Variants in GALNT13 observed in about 807,000 individuals in gnomAD.
GALNT13 encodes polypeptide N-acetylgalactosaminyltransferase 13.
A neutral mutation model predicts 64.2 loss-of-function variants in GALNT13; 28 were observed. The observed-to-expected ratio is 0.44, with a 90% CI of 0.32 to 0.60. GALNT13 has a LOEUF of 0.60. GALNT13 is among the 20% of genes least tolerant of loss of function. GALNT13 has a pLI of 0.05. For synonymous variants in GALNT13, 214 were observed against 224.6 expected (o/e 0.95, Z 0.42); for missense variants, 577 against 669.8 (o/e 0.86, Z 1.53).
At chr2:154,242,006 T>A in intron 4 of GALNT13, 24 bp from the exon 5 acceptor site, 1 of 1,493,434 alleles carries the variant, frequency 6.7e-7, no homozygotes, top group Non-Finnish European at 9.1e-7. Flanking sequence ...TTTATTAAGA[T>A]CCCTCTTCTT....
intron 2 of GALNT13, among the ~76,000 whole-genome samples, chr2:153,918,817 C>T (rs763483049): frequency 5.3e-5 from 8 of 152,076 alleles, no homozygotes; most frequent in Non-Finnish European, 1.0e-4. Flanking sequence ...CATAAATCTT[C>T]ACCTTATTTC....
the GALNT13 span, among the ~76,000 whole-genome samples, chr2:153,376,381 AG>A: frequency 6.6e-6 from 1 of 152,182 alleles, no homozygotes; most frequent in South Asian, 2.1e-4. Flanking sequence ...GAGTTCACTT[AG>A]GGCCTTTCAA....
At chr2:153,087,935 T>A in the GALNT13 span, among the ~76,000 whole-genome samples, 6 of 152,192 alleles carry the variant, frequency 3.9e-5, no homozygotes, top group Non-Finnish European at 7.4e-5. Context: ...GTTTCATTTA[T>A]GTTTTGTATT....
chr2:153,694,916 T>C, the GALNT13 span, among the ~76,000 whole-genome samples: 51 of 152,122 alleles, frequency 3.4e-4, no homozygotes, highest in Non-Finnish European at 6.8e-4. Context: ...CCAGATTCAA[T>C]GAATTGCTAG....
At chr2:153,890,467 C>A (rs1256995636) in intron 1 of GALNT13, among the ~76,000 whole-genome samples, 1 of 151,962 alleles carries the variant, frequency 6.6e-6, no homozygotes, top group Non-Finnish European at 1.5e-5. Flanking sequence ...ATCTCATACA[C>A]AATGTACTTG....
intron 3 of GALNT13, among the ~76,000 whole-genome samples, chr2:154,030,405 C>T (rs957010592): frequency 2.6e-5 from 4 of 151,964 alleles, no homozygotes; most frequent in African/African-American, 7.2e-5. Context: ...CTCTCAACTC[C>T]GAATTTTATA....
At chr2:153,552,575 C>CTTTTTTTT in the GALNT13 span, among the ~76,000 whole-genome samples, 27 of 69,306 alleles carry the variant, frequency 3.9e-4, no homozygotes, top group African/African-American at 9.8e-4. Context: ...GCTTCTTCTT[C>CTTTTTTTT]TTTTTTTTTT....
At chr2:153,494,723 A>G in the GALNT13 span, among the ~76,000 whole-genome samples, 1 of 152,064 alleles carries the variant, frequency 6.6e-6, no homozygotes, top group Admixed American at 6.5e-5. Context: ...AAAGGAAAGT[A>G]TAAGTAATCC....
At chr2:153,475,223 T>C in the GALNT13 span, among the ~76,000 whole-genome samples, 2 of 152,164 alleles carry the variant, frequency 1.3e-5, no homozygotes, top group African/African-American at 4.8e-5. Context: ...AAGTAACAAA[T>C]GGATCTAAGG....
intron 9 of GALNT13, among the ~76,000 whole-genome samples, chr2:154,347,544 T>C (rs1696140780): frequency 6.6e-6 from 1 of 152,200 alleles, no homozygotes; most frequent in Non-Finnish European, 1.5e-5. Context: ...CACCTATAGA[T>C]GTTGTTTTTT....
the GALNT13 span, chr2:153,593,313 C>T: frequency 1.3e-5 from 2 of 152,380 alleles, no homozygotes; most frequent in African/African-American, 4.8e-5. Flanking sequence ...CTGGCTTTCT[C>T]CACTTCCCTG....
intron 3 of GALNT13, among the ~76,000 whole-genome samples, chr2:154,011,746 C>G (rs923642899): frequency 3.9e-5 from 6 of 152,116 alleles, no homozygotes; most frequent in African/African-American, 1.4e-4. Context: ...AATCCGTATA[C>G]TCCTGTGTTG....
chr2:154,303,383 A>G (rs1427815061), intron 9 of GALNT13, among the ~76,000 whole-genome samples: 3 of 151,944 alleles, frequency 2.0e-5, no homozygotes, highest in African/African-American at 7.3e-5. Flanking sequence ...ATGCAAATAG[A>G]CTTTCCACTC....
chr2:154,092,074 G>GGAA (rs1701839366), intron 3 of GALNT13, among the ~76,000 whole-genome samples: 1 of 94,294 alleles, frequency 1.1e-5, no homozygotes, highest in African/African-American at 4.7e-5. Context: ...CTTCATGTCT[G>GGAA]GAAAAAAAAA....
At chr2:154,037,109 A>AT (rs1491535944) in intron 3 of GALNT13, among the ~76,000 whole-genome samples, 1 of 152,146 alleles carries the variant, frequency 6.6e-6, no homozygotes, top group African/African-American at 2.4e-5. Flanking sequence ...TTTATGTGAC[A>AT]TATGTTTATT....
intron 3 of GALNT13, among the ~76,000 whole-genome samples, chr2:154,069,217 A>G (rs1700621288): frequency 6.6e-6 from 1 of 152,058 alleles, no homozygotes; most frequent in Admixed American, 6.6e-5. Flanking sequence ...AGAAACACCA[A>G]GAAAGTTCTT....
At chr2:154,072,976 C>A (rs1260393264) in intron 3 of GALNT13, among the ~76,000 whole-genome samples, 1 of 151,848 alleles carries the variant, frequency 6.6e-6, no homozygotes, top group Non-Finnish European at 1.5e-5. Flanking sequence ...GTGATGTATC[C>A]CTTAAACCCT....
the GALNT13 span, among the ~76,000 whole-genome samples, chr2:153,396,376 G>A: frequency 1.3e-5 from 2 of 152,110 alleles, no homozygotes; most frequent in Admixed American, 6.6e-5. Flanking sequence ...ACTTTGGGAT[G>A]GGAAGGGGGA....
the GALNT13 span, among the ~76,000 whole-genome samples, chr2:153,823,717 G>A: frequency 6.6e-6 from 1 of 152,102 alleles, no homozygotes. Context: ...TGCCACAAAT[G>A]TATGACTAAG....
Sources: allele counts gnomAD v4.1 joint callset (sites outside exome capture counted in the v4.1 genomes callset), GRCh38; gene constraint gnomAD v4.1.1; transcripts MANE v1.5; gene names NCBI Gene and HGNC (gene_info 2026-07-23, HGNC 2026-07-21).